Variants in FGF10 observed in about 807,000 individuals in gnomAD.
FGF10 encodes FGF-10.
FGF10 carries 2 observed loss-of-function variants against 19.8 expected under a neutral mutation model. The ratio of observed to expected loss-of-function variants is 0.10; its 90% CI spans 0.04 to 0.32. The LOEUF (loss-of-function observed/expected upper bound fraction) is 0.32. Among genes scored for constraint, FGF10 ranks in the 10% least tolerant of loss-of-function variants. The pLI, the probability that FGF10 is intolerant of heterozygous loss-of-function variation, is 1.00. For missense variants in FGF10, 191 were observed against 246.3 expected (o/e 0.78, Z 1.50); for synonymous variants, 112 against 94.0 (o/e 1.19, Z -1.10).
At chr5:44,376,524 A>AAAAAAAAAAAAAAAT (rs1741868780) in intron 1 of FGF10, among the ~76,000 whole-genome samples, 1 of 145,414 alleles carries the variant, frequency 6.9e-6, no homozygotes, top group Non-Finnish European at 1.5e-5. Flanking sequence ...AAAACAAAAA[A>AAAAAAAAAAAAAAAT]CCCACAACTA....
Position 44,338,548 on chromosome 5 carries a change from A to C in FGF10, c.326-28018T>G, listed in dbSNP as rs572907373. On this transcript the variant is annotated intron_variant, in intron 1 of 2. Coordinates refer to ENST00000264664, the MANE Select transcript of FGF10 (RefSeq NM_004465.2). Reference sequence around the variant, plus strand: ...TTCAGGTTGACAAAAGCATCCGTCCAGCATGTTTAGCTTCCTAAGGCTTTG... The same window carrying C: ...TTCAGGTTGACAAAAGCATCCGTCCCGCATGTTTAGCTTCCTAAGGCTTTG... Among the ~76,000 whole-genome samples, 74 of 152,316 alleles carry C rather than the reference A, an allele frequency of 4.9e-4. 2 individuals carry two copies. The South Asian group carries it at 0.015, about 31-fold the overall frequency.
At chr5:44,323,586 T>C (rs1740545708) in intron 1 of FGF10, among the ~76,000 whole-genome samples, 1 of 152,184 alleles carries the variant, frequency 6.6e-6, no homozygotes, top group Non-Finnish European at 1.5e-5. Flanking sequence ...TTATTGTTTT[T>C]TGTAATTAAA....
intron 1 of FGF10, among the ~76,000 whole-genome samples, chr5:44,383,118 C>T (rs1228381388): frequency 6.6e-6 from 1 of 152,034 alleles, no homozygotes; most frequent in Non-Finnish European, 1.5e-5. Flanking sequence ...ATGGGAGGAA[C>T]ATTAGTTCCA....
chr5:44,385,225 A>G (rs1228893691), intron 1 of FGF10, among the ~76,000 whole-genome samples: 1 of 152,174 alleles, frequency 6.6e-6, no homozygotes, highest in Non-Finnish European at 1.5e-5. Context: ...TTCTACTCTC[A>G]TATCATGGCA....
chr5:44,322,440 T>C (rs985955899), intron 1 of FGF10, among the ~76,000 whole-genome samples: 3 of 152,182 alleles, frequency 2.0e-5, no homozygotes, highest in African/African-American at 7.2e-5. Flanking sequence ...CATGATCACT[T>C]ACCTCAGCTT....
At chr5:44,345,896 A>C (rs1034078239) in intron 1 of FGF10, among the ~76,000 whole-genome samples, 2 of 151,690 alleles carry the variant, frequency 1.3e-5, no homozygotes, top group Admixed American at 6.6e-5. Context: ...TTGACGTTGG[A>C]CTCAGGCCTA....
intron 1 of FGF10, among the ~76,000 whole-genome samples, chr5:44,375,846 AT>A (rs1419054536): frequency 2.0e-5 from 3 of 152,158 alleles, no homozygotes; most frequent in Non-Finnish European, 4.4e-5. Context: ...TTTATCCTCA[AT>A]TATGTTAACT....
At chr5:44,350,860 T>C (rs1741217293) in intron 1 of FGF10, among the ~76,000 whole-genome samples, 1 of 151,418 alleles carries the variant, frequency 6.6e-6, no homozygotes, top group Non-Finnish European at 1.5e-5. Flanking sequence ...AATGTGATTT[T>C]GGTAACTTCC....
intron 1 of FGF10, among the ~76,000 whole-genome samples, chr5:44,373,528 A>G (rs1741789188): frequency 6.6e-6 from 1 of 152,190 alleles, no homozygotes; most frequent in Non-Finnish European, 1.5e-5. Flanking sequence ...CTAAATATCC[A>G]AATTCATCAC....
At chr5:44,329,843 G>A (rs1420225149) in intron 1 of FGF10, among the ~76,000 whole-genome samples, 1 of 152,058 alleles carries the variant, frequency 6.6e-6, no homozygotes, top group Admixed American at 6.6e-5. Flanking sequence ...ACTGAATCTG[G>A]GCAAACAACT....
chr5:44,349,783 T>C (rs1330221141), intron 1 of FGF10, among the ~76,000 whole-genome samples: 1 of 151,054 alleles, frequency 6.6e-6, no homozygotes, highest in African/African-American at 2.4e-5. Flanking sequence ...TTGAAAGTAA[T>C]AAAGTTGAGT....
chr5:44,313,535 C>T (rs60926300), intron 1 of FGF10, among the ~76,000 whole-genome samples: 1 of 151,238 alleles, frequency 6.6e-6, no homozygotes, highest in Non-Finnish European at 1.5e-5. Context: ...CCCCGTGTTT[C>T]TTACAAGTTT....
intron 1 of FGF10, 47 bp downstream of exon 1, chr5:44,388,311 C>A (rs200382374): frequency 4.2e-5 from 65 of 1,558,518 alleles, no homozygotes; most frequent in Non-Finnish European, 5.6e-5. Flanking sequence ...CCCGTGTGGG[C>A]TGGGGGTGGA....
At chr5:44,353,727 T>C (rs1156596209) in intron 1 of FGF10, among the ~76,000 whole-genome samples, 11 of 151,470 alleles carry the variant, frequency 7.3e-5, no homozygotes, top group Middle Eastern at 3.4e-3. Flanking sequence ...CCCTATTTGC[T>C]TTAAGATTAA....
chr5:44,378,680 C>T (rs1741920681), intron 1 of FGF10, among the ~76,000 whole-genome samples: 1 of 152,174 alleles, frequency 6.6e-6, no homozygotes, highest in African/African-American at 2.4e-5. Flanking sequence ...ATCTGCCCTC[C>T]TCGGCCTCCA....
intron 1 of FGF10, among the ~76,000 whole-genome samples, chr5:44,343,730 A>T (rs1318182536): frequency 3.3e-5 from 5 of 151,996 alleles, no homozygotes; most frequent in African/African-American, 7.2e-5. Flanking sequence ...GCATATAGCC[A>T]CAATTTAACC....
intron 1 of FGF10, among the ~76,000 whole-genome samples, chr5:44,328,400 A>G (rs1740660264): frequency 6.6e-6 from 1 of 152,140 alleles, no homozygotes; most frequent in African/African-American, 2.4e-5. Flanking sequence ...AACCCTTACA[A>G]TTATCTTATC....
intron 1 of FGF10, among the ~76,000 whole-genome samples, chr5:44,341,485 C>T (rs1740970036): frequency 6.8e-6 from 1 of 146,340 alleles, no homozygotes; most frequent in Non-Finnish European, 1.5e-5. Context: ...TAATTCACTG[C>T]CTTGTTATTA....
intron 1 of FGF10, among the ~76,000 whole-genome samples, chr5:44,337,562 G>T (rs1384612245): frequency 6.6e-6 from 1 of 152,140 alleles, no homozygotes; most frequent in African/African-American, 2.4e-5. Context: ...TGAATTAAAA[G>T]TACTTTAAAT....
Sources: allele counts gnomAD v4.1 joint callset (sites outside exome capture counted in the v4.1 genomes callset), GRCh38; gene constraint gnomAD v4.1.1; transcripts MANE v1.5; gene names NCBI Gene and HGNC (gene_info 2026-07-23, HGNC 2026-07-21).